The following STX10 variants were observed in gnomAD, a reference collection of about 807,000 sequenced individuals.
STX10 encodes the protein syntaxin-10.
In STX10, 35 loss-of-function variants were observed where a neutral mutation model predicts 34.1. That is an observed-to-expected ratio of 1.03 (90% CI 0.78 to 1.36). The LOEUF (loss-of-function observed/expected upper bound fraction) is 1.36. Ranked by LOEUF, STX10 falls within the 40% of genes most tolerant of loss-of-function variation. The pLI, the probability that STX10 is intolerant of heterozygous loss-of-function variation, is 0.00. For missense variants in STX10, 361 were observed against 335.5 expected (o/e 1.08, Z -0.59); for synonymous variants, 155 against 132.9 (o/e 1.17, Z -1.15).
Position 13,149,827 on chromosome 19 carries a change from C to A in STX10, c.106G>T (p.Ala36Ser). Reference protein sequence around the residue: ...QRWCELLQESAAVGREELDWT... With the variant: ...QRWCELLQESSAVGREELDWT... ...TCCAGCTCCTCGCGTCCGACCGCCGCGCTTTCCTGCAGGAGCTCGCACCAG... is the reference window on the plus strand; with the variant it reads ...TCCAGCTCCTCGCGTCCGACCGCCGAGCTTTCCTGCAGGAGCTCGCACCAG... The change falls in exon 2 of 8, where the codon GCG (alanine) becomes TCG (serine). Residue 36 changes from alanine to serine, a missense_variant. Ala to Ser is a moderately conservative substitution (Grantham distance 99). Coordinates refer to ENST00000587230, the MANE Select transcript of STX10 (RefSeq NM_003765.3). 1 of 1,613,714 alleles carries A rather than the reference C, an allele frequency of 6.2e-7. No homozygotes were observed. Among genetic ancestry groups the A allele is most frequent in the Non-Finnish European group, 8.5e-7 (1 of 1,180,010 alleles).
In STX10 at chr19:13,150,367, G is replaced by T. The variant is rs2020037406; in HGVS notation, c.-194C>A. On this transcript the variant is annotated 5_prime_UTR_variant, in exon 1 of 8. Coordinates refer to ENST00000587230, the MANE Select transcript of STX10 (RefSeq NM_003765.3). This position sits in a 1 kb window ranked among gnomAD's most constrained non-coding sequence, Gnocchi z 4.0. The stretch of plus-strand genomic sequence containing the variant: ...TTCCGCCCTCTCCTCAGCCATCTTG[G>T]TTGTGGGCAGAGGCAGCTTCCGGTG... 1 of 565,244 alleles carries T rather than the reference G, an allele frequency of 1.8e-6. No individual in the cohort carries two copies. The highest frequency in any genetic ancestry group is 3.1e-6 in the Non-Finnish European group (1 of 318,100). The allele number at this position is 565,244 out of a possible 1,614,324, so 35.0% of individuals were successfully genotyped here. A position where few individuals can be genotyped will look rare whatever the true frequency, so the allele number is the denominator to read the frequency against.
chr19:13,149,057 A>G lies in STX10; in HGVS notation c.335T>C (p.Val112Ala). Residue 112 changes from valine to alanine, a missense_variant, in exon 4 of 8, where the codon GTA (valine) becomes GCA (alanine). By Grantham distance (64) the Val-to-Ala change is moderately conservative (BLOSUM62 0). Transcript: ENST00000587230. ...MKDHMVSPTA[V>A]AFLERNNREI... ...TCTGTTATTCCTCTCCAAAAATGCTACGGCTGTTGGGCTGACCATATGGTC... is the reference window on the plus strand; with the variant it reads ...TCTGTTATTCCTCTCCAAAAATGCTGCGGCTGTTGGGCTGACCATATGGTC... The G allele has an allele frequency of 1.2e-6, 2 of 1,603,326 alleles. No homozygotes were observed. Among genetic ancestry groups the G allele is most frequent in the Non-Finnish European group, 1.7e-6 (2 of 1,174,796 alleles).
chr19:13,148,549 G>A (rs1303053539), intron 4 of STX10, among the ~76,000 whole-genome samples: 2 of 149,286 alleles, frequency 1.3e-5, no homozygotes, highest in Non-Finnish European at 3.0e-5. Flanking sequence ...GCATGGTGAC[G>A]AGCACCTGTA....
chr19:13,148,978 C>T lies in STX10; in HGVS notation c.363+51G>A, dbSNP rs762997530. On this transcript the variant is annotated intron_variant, in intron 4 of 7. Coordinates refer to ENST00000587230, the MANE Select transcript of STX10 (RefSeq NM_003765.3). ...GGTGAACACGCACAGAGGGATCTGG[C>T]TTGGTTACCCCCAGGGGCTCAGGTG... 9 of 1,513,950 alleles carry T rather than the reference C, an allele frequency of 5.9e-6. No individual in the cohort carries two copies. The South Asian group carries it at 8.3e-5, about 14-fold the overall frequency. 93.8% of individuals were successfully genotyped at this position (1,513,950 alleles called of 1,614,324 possible).
At position 13,149,759 on chromosome 19, in the gene STX10, C is replaced by A. The variant is rs374079304; in HGVS notation, c.174G>T (p.Glu58Asp). Reference sequence around the variant, plus strand: ...TCTCTTCCAGGTCCTCGAGGTCCCACTCGATGCTGCGCAGGCCATTCCGCA... The same window carrying A: ...TCTCTTCCAGGTCCTCGAGGTCCCAATCGATGCTGCGCAGGCCATTCCGCA... ...NELRNGLRSI[E>D]WDLEDLEETI... The change falls in exon 2 of 8, where the codon GAG (glutamate) becomes GAT (aspartate). Residue 58 changes from glutamate (E) to aspartate (D), a missense_variant. Physicochemically the swap from Glu to Asp is conservative, Grantham distance 45 (BLOSUM62 2). Coordinates refer to ENST00000587230, the MANE Select transcript of STX10 (RefSeq NM_003765.3). The A allele has an allele frequency of 6.2e-7, 1 of 1,614,108 alleles. No homozygotes were observed.
rs914387998 is a variant in STX10 at position 13,144,404 on chromosome 19, C to T, written c.*6G>A. ...TAAGGGACCAGCCTGCCAGGGAGGG[C>T]TGGGGTCAGAGAGAGAATAGTAAGA... On this transcript the variant is annotated 3_prime_UTR_variant, in exon 8 of 8. Transcript: ENST00000587230. 46 of 1,606,448 alleles carry T rather than the reference C, an allele frequency of 2.9e-5. No individual in the cohort carries two copies. Among genetic ancestry groups the T allele is most frequent in the Non-Finnish European group, 3.8e-5 (45 of 1,177,440 alleles).
At position 13,149,553 on chromosome 19, in the gene STX10, G is replaced by T; in HGVS notation, c.246C>A (p.Ala82=). ...EANPGKFKLP[A]GDLQERKVFV... ...ACACCTTTCTCTCCTGCAGGTCCCC[G>T]GCTGGGAGCTTGAACTTGCCTGGGT... is the stretch of plus-strand genomic sequence containing the variant. The change falls in exon 3 of 8, where the codon GCC becomes GCA. Residue 82 remains alanine, a synonymous_variant. Coordinates refer to ENST00000587230, the MANE Select transcript of STX10 (RefSeq NM_003765.3). The T allele has an allele frequency of 6.2e-7, 1 of 1,614,030 alleles. No homozygotes were observed. The highest frequency in any genetic ancestry group is 8.5e-7 in the Non-Finnish European group (1 of 1,180,008).
chr19:13,148,293 T>C (rs911098487), intron 4 of STX10, among the ~76,000 whole-genome samples: 10 of 151,362 alleles, frequency 6.6e-5, no homozygotes, highest in Admixed American at 1.3e-4. Context: ...CACCTGAGGT[T>C]GGGAGTTCAA....
intron 4 of STX10, among the ~76,000 whole-genome samples, chr19:13,148,656 G>A (rs1007099481): frequency 1.3e-5 from 2 of 152,016 alleles, no homozygotes; most frequent in African/African-American, 4.8e-5. Flanking sequence ...CTCCAGCCTG[G>A]GCAACAGAAC....
At chr19:13,147,056 G>C (rs1253364514) in intron 4 of STX10, among the ~76,000 whole-genome samples, 4 of 141,530 alleles carry the variant, frequency 2.8e-5, no homozygotes, top group Non-Finnish European at 6.1e-5. Context: ...TGGACTGACA[G>C]AGGTGGTTGG....
At chr19:13,147,342 G>A (rs2019923840) in intron 4 of STX10, among the ~76,000 whole-genome samples, 1 of 151,974 alleles carries the variant, frequency 6.6e-6, no homozygotes. Context: ...GCACACTCCT[G>A]TTGTCCCAGC....
At chr19:13,145,895 G>T (rs980517166) in intron 4 of STX10, among the ~76,000 whole-genome samples, 3 of 151,812 alleles carry the variant, frequency 2.0e-5, no homozygotes, top group African/African-American at 7.3e-5. Context: ...TTGGTGGCGG[G>T]TGCCTGTAAT....
intron 4 of STX10, among the ~76,000 whole-genome samples, chr19:13,147,012 G>T (rs1600018209): frequency 1.4e-5 from 2 of 147,666 alleles, no homozygotes; most frequent in East Asian, 4.1e-4. Context: ...CTCAACATAT[G>T]AAAAATATCA....
intron 4 of STX10, 55 bp downstream of exon 4, chr19:13,148,974 C>T (rs918325237): frequency 6.8e-7 from 1 of 1,479,060 alleles, no homozygotes; most frequent in Non-Finnish European, 9.3e-7. Flanking sequence ...ACAGAGGGAT[C>T]TGGCTTGGTT....
At chr19:13,149,387 G>A (rs1392392375) in intron 3 of STX10, 112 bp downstream of exon 3, 1 of 924,316 alleles carries the variant, frequency 1.1e-6, no homozygotes, top group African/African-American at 1.7e-5. Flanking sequence ...ACTCCAGCCT[G>A]GGCGACAGAG....
Position 13,148,946 on chromosome 19 carries a change from A to C in STX10, c.363+83T>G. 3 of 1,182,480 alleles carry C rather than the reference A, an allele frequency of 2.5e-6. No homozygotes were observed. In the Admixed American group the frequency reaches 6.1e-5, roughly 24 times the overall value. The allele number at this position is 1,182,480 out of a possible 1,614,324, so 73.2% of individuals were successfully genotyped here. Reference sequence around the variant, plus strand: ...CAGAGAGGACGGGCACTGTCGCAAAAGGGACAGGTGAACACGCACAGAGGG... The same window carrying C: ...CAGAGAGGACGGGCACTGTCGCAAACGGGACAGGTGAACACGCACAGAGGG... On this transcript the variant is annotated intron_variant, in intron 4 of 7. Transcript: ENST00000587230.
rs762801194 is a variant in STX10, at chr19:13,149,901, C to A, written c.36-4G>T. 6 of 1,576,120 alleles carry A rather than the reference C, an allele frequency of 3.8e-6. No homozygotes were observed. In the Admixed American group the frequency reaches 1.1e-4, roughly 29 times the overall value. ...GTTCACCGCCTTCTGCACCTCGCTG[C>A]GGGCAGGGGCACGGCGGGCGCGGCT... On this transcript the variant is annotated splice_polypyrimidine_tract_variant and splice_region_variant and intron_variant, in intron 1 of 7. Coordinates refer to ENST00000587230, the MANE Select transcript of STX10 (RefSeq NM_003765.3).
At chr19:13,147,923 G>A (rs1442084140) in intron 4 of STX10, among the ~76,000 whole-genome samples, 11 of 142,336 alleles carry the variant, frequency 7.7e-5, no homozygotes, top group East Asian at 2.1e-4. Flanking sequence ...AAAATTAGCC[G>A]GGTGTGGTGG....
At position 13,144,688 on chromosome 19, in the gene STX10, G is replaced by A. The variant is rs769027460; in HGVS notation, c.579-17C>T. On this transcript the variant is annotated splice_polypyrimidine_tract_variant and intron_variant, in intron 6 of 7. Transcript: ENST00000587230. ...TCCAGCATGCTGCCAAGAACAGGAT[G>A]GCATCAGCCCCAGATGGCCCAGACA... The A allele has an allele frequency of 2.5e-6, 4 of 1,613,896 alleles. No individual in the cohort carries two copies. The South Asian group carries it at 4.4e-5, about 18-fold the overall frequency.
Sources: allele counts gnomAD v4.1 joint callset (sites outside exome capture counted in the v4.1 genomes callset), GRCh38; gene constraint gnomAD v4.1.1; non-coding constraint Gnocchi (gnomAD v3.1); transcripts MANE v1.5; gene names NCBI Gene and HGNC (gene_info 2026-07-23, HGNC 2026-07-21).